ATM: variants seen among roughly 807,000 people sequenced by gnomAD.
ATM encodes ATM serine/threonine kinase.
Under a neutral mutation model 387.0 loss-of-function variants are expected in ATM, and 308 were observed. The observed-to-expected ratio is 0.80, with a 90% CI of 0.73 to 0.87. ATM has a LOEUF of 0.87. Ranked by LOEUF, ATM falls within the 40% of genes least tolerant of loss-of-function variation. The pLI is 0.00. For synonymous variants in ATM, 1,156 were observed against 1,187.3 expected (o/e 0.97, Z 0.54); for missense variants, 3,312 against 3,560.9 (o/e 0.93, Z 1.78).
chr11:108,363,540 G>C (rs2137796828), intron 61 of ATM, among the ~76,000 whole-genome samples: 1 of 152,272 alleles, frequency 6.6e-6, no homozygotes, highest in East Asian at 1.9e-4. Context: ...TGTCACAATT[G>C]GGGATGGGAG....
chr11:108,320,859 C>T (rs183299945), intron 44 of ATM, among the ~76,000 whole-genome samples: 2 of 152,178 alleles, frequency 1.3e-5, no homozygotes, highest in South Asian at 2.1e-4. Flanking sequence ...ATAACATAAG[C>T]AGTAGATTAA....
intron 4 of ATM, among the ~76,000 whole-genome samples, chr11:108,234,840 TA>T (rs58530637): frequency 4.0e-5 from 6 of 148,180 alleles, no homozygotes; most frequent in Non-Finnish European, 3.0e-5. Context: ...GACCCTGTCT[TA>T]AAAAAAAAAA....
intron 17 of ATM, among the ~76,000 whole-genome samples, chr11:108,267,989 A>G (rs954020074): frequency 6.6e-6 from 1 of 152,258 alleles, no homozygotes; most frequent in African/African-American, 2.4e-5. Flanking sequence ...ATTGTAGTCA[A>G]CATCAACATT....
At chr11:108,318,136 T>G (rs2515885) in intron 43 of ATM, among the ~76,000 whole-genome samples, 1 of 151,660 alleles carries the variant, frequency 6.6e-6, no homozygotes, top group Non-Finnish European at 1.5e-5. Flanking sequence ...CCAAGGCGGG[T>G]GGATCGCCTG....
chr11:108,359,331 C>T (rs1001413429), intron 61 of ATM, among the ~76,000 whole-genome samples: 1 of 151,816 alleles, frequency 6.6e-6, no homozygotes, highest in African/African-American at 2.4e-5. Flanking sequence ...ACTTAGAATC[C>T]CACACATTAA....
chr11:108,256,738 G>T (rs944194041), intron 14 of ATM, among the ~76,000 whole-genome samples: 2 of 152,036 alleles, frequency 1.3e-5, no homozygotes, highest in African/African-American at 4.8e-5. Context: ...TCATTGTTCA[G>T]CTGCCACTTA....
At chr11:108,363,050 C>G (rs1433490423) in intron 61 of ATM, among the ~76,000 whole-genome samples, 1 of 152,188 alleles carries the variant, frequency 6.6e-6, no homozygotes, top group Admixed American at 6.6e-5. Context: ...AATCTTCCCT[C>G]CGTAAATCTG....
intron 38 of ATM, chr11:108,309,056 A>G (rs1478573722): frequency 1.3e-6 from 2 of 1,505,876 alleles, no homozygotes. Flanking sequence ...GCTGAATAAG[A>G]TCCTGAAGAA....
intron 56 of ATM, among the ~76,000 whole-genome samples, chr11:108,341,792 A>G (rs567790473): frequency 3.9e-5 from 6 of 152,214 alleles, no homozygotes; most frequent in Non-Finnish European, 8.8e-5. Flanking sequence ...GTGAAATACT[A>G]TTACCCTCAG....
At chr11:108,269,577 C>A (rs2081458565) in intron 18 of ATM, among the ~76,000 whole-genome samples, 1 of 152,196 alleles carries the variant, frequency 6.6e-6, no homozygotes, top group Non-Finnish European at 1.5e-5. Flanking sequence ...TGCTCAACAA[C>A]CTTATATATA....
chr11:108,327,329 CTTAT>C (rs1442600725), intron 47 of ATM: 1 of 313,774 alleles, frequency 3.2e-6, no homozygotes, highest in Non-Finnish European at 6.1e-6. Flanking sequence ...AATAATAGTA[CTTAT>C]TTAATAGGAT....
chr11:108,362,740 A>G (rs890530394), intron 61 of ATM, among the ~76,000 whole-genome samples: 1 of 138,748 alleles, frequency 7.2e-6, no homozygotes, highest in Non-Finnish European at 1.6e-5. Flanking sequence ...ATAGGTGGGA[A>G]TTGAACAATG....
chr11:108,320,067 A>C lies in ATM; in HGVS notation c.6452+9A>C, dbSNP rs771531015. 5 of 1,558,926 alleles carry C rather than the reference A, an allele frequency of 3.2e-6. No individual in the cohort carries two copies. In the South Asian group the frequency reaches 5.6e-5, roughly 17 times the overall value. ...AGTCTCAAATATGCCAGGTATTATG[A>C]AAAGACAAAGTTACTGTATTTTAAC... On this transcript the variant is annotated intron_variant, in intron 44 of 62. Coordinates refer to ENST00000675843, the MANE Select transcript of ATM (RefSeq NM_000051.4).
At chr11:108,295,251 T>G in intron 32 of ATM, 192 bp downstream of exon 32, 1 of 660,026 alleles carries the variant, frequency 1.5e-6, no homozygotes, top group East Asian at 2.9e-5. Context: ...TCCTGTTTTA[T>G]TCATCCTCTG....
chr11:108,292,860 T>C (rs2082878843), intron 30 of ATM, 67 bp downstream of exon 30: 1 of 1,550,030 alleles, frequency 6.5e-7, no homozygotes, highest in Non-Finnish European at 8.9e-7. Context: ...AGGATTTGAG[T>C]GTTTTATGTT....
At chr11:108,240,824 T>A (rs1413895350) in intron 5 of ATM, among the ~76,000 whole-genome samples, 1 of 152,200 alleles carries the variant, frequency 6.6e-6, no homozygotes, top group African/African-American at 2.4e-5. Context: ...GTACCAAATT[T>A]AAAAATTTAT....
chr11:108,341,557 C>T (rs2087582509), intron 56 of ATM, among the ~76,000 whole-genome samples: 1 of 152,048 alleles, frequency 6.6e-6, no homozygotes, highest in Non-Finnish European at 1.5e-5. Context: ...TAATCAAATG[C>T]TTCCTTAAGA....
At chr11:108,316,753 CAAAAAAAAAAA>C (rs58165074) in intron 42 of ATM, among the ~76,000 whole-genome samples, 1 of 72,444 alleles carries the variant, frequency 1.4e-5, no homozygotes, top group Non-Finnish European at 2.5e-5. Context: ...ACTAAAAATA[CAAAAAAAAAAA>C]AAAAAAAAAA....
At chr11:108,237,306 C>T (rs1293530916) in intron 5 of ATM, among the ~76,000 whole-genome samples, 1 of 152,096 alleles carries the variant, frequency 6.6e-6, no homozygotes, top group East Asian at 1.9e-4. Flanking sequence ...CAGATCTTTC[C>T]CCAGTATGGC....
Sources: gnomAD v4.1 joint callset for allele counts (sites outside exome capture counted in the v4.1 genomes callset) on GRCh38, gnomAD v4.1.1 for gene constraint, MANE v1.5 for transcripts, NCBI Gene and HGNC (gene_info 2026-07-23, HGNC 2026-07-21) for gene names.